The following ALPK1 variants were observed in gnomAD, a reference collection of about 807,000 sequenced individuals.
The protein encoded by ALPK1 is alpha-protein kinase 1.
In ALPK1, 110 loss-of-function variants were observed where a neutral mutation model predicts 120.6. The ratio of observed to expected loss-of-function variants is 0.91; its 90% CI spans 0.78 to 1.07. ALPK1 has a LOEUF of 1.07. Among genes scored for constraint, ALPK1 ranks in the 50% least tolerant of loss-of-function variants. The pLI, the probability that ALPK1 is intolerant of heterozygous loss-of-function variation, is 0.00. For synonymous variants in ALPK1, 582 were observed against 560.3 expected (o/e 1.04, Z -0.55); for missense variants, 1,498 against 1,483.9 (o/e 1.01, Z -0.16).
At chr4:112,434,200 T>C (rs1449580926) in intron 11 of ALPK1, among the ~76,000 whole-genome samples, 1 of 152,224 alleles carries the variant, frequency 6.6e-6, no homozygotes, top group African/African-American at 2.4e-5. Flanking sequence ...AGGCCCAAAA[T>C]GGCAGAAACA....
intron 4 of ALPK1, among the ~76,000 whole-genome samples, chr4:112,408,521 A>C (rs1049079793): frequency 6.6e-6 from 1 of 151,222 alleles, no homozygotes; most frequent in African/African-American, 2.4e-5. Context: ...CCCAGGCTAG[A>C]GTGCAGTGGC....
chr4:112,345,545 A>G (rs1046512947), intron 2 of ALPK1, among the ~76,000 whole-genome samples: 6 of 152,232 alleles, frequency 3.9e-5, no homozygotes, highest in Non-Finnish European at 8.8e-5. Context: ...TATCTAAACC[A>G]GGGAAGAGGA....
chr4:112,316,750 A>G (rs1230343450), intron 2 of ALPK1, among the ~76,000 whole-genome samples: 1 of 150,470 alleles, frequency 6.6e-6, no homozygotes, highest in African/African-American at 2.4e-5. Flanking sequence ...TTCTGTACTT[A>G]TTGGCCATTT....
At chr4:112,415,307 G>A (rs997097735) in intron 5 of ALPK1, among the ~76,000 whole-genome samples, 1 of 152,160 alleles carries the variant, frequency 6.6e-6, no homozygotes, top group African/African-American at 2.4e-5. Flanking sequence ...AATCTCACAG[G>A]AAAATATTCT....
intron 2 of ALPK1, among the ~76,000 whole-genome samples, chr4:112,338,746 A>G (rs915886238): frequency 3.3e-5 from 5 of 152,230 alleles, no homozygotes; most frequent in African/African-American, 1.2e-4. Context: ...AATAAATTTC[A>G]GCGTGAATAT....
chr4:112,360,944 A>G (rs1258926898), intron 2 of ALPK1, among the ~76,000 whole-genome samples: 1 of 152,186 alleles, frequency 6.6e-6, no homozygotes, highest in African/African-American at 2.4e-5. Flanking sequence ...ATGGATATTT[A>G]TTTGTTATTT....
Position 112,382,537 on chromosome 4 carries a change from G to A in ALPK1, c.261G>A (p.Gly87=). The A allele has an allele frequency of 6.8e-6, 11 of 1,614,124 alleles. No individual in the cohort carries two copies. Among genetic ancestry groups the A allele is most frequent in the Non-Finnish European group, 9.3e-6 (11 of 1,180,002 alleles). ...ACCTGAAGGATGTGATTGGCGCCGG[G>A]TTGCAGCAGTTACTGGTAGGAAGAG... is the stretch of plus-strand genomic sequence containing the variant. ...KTNLKDVIGA[G]LQQLLASLRA... Residue 87 remains glycine (G), a synonymous_variant, in exon 4 of 16, where the codon GGG becomes GGA. Coordinates refer to ENST00000650871, the MANE Select transcript of ALPK1 (RefSeq NM_025144.4).
intron 2 of ALPK1, among the ~76,000 whole-genome samples, chr4:112,332,365 A>C (rs2148701504): frequency 6.6e-6 from 1 of 152,324 alleles, no homozygotes. Flanking sequence ...GGGATATCTC[A>C]ATATACTCCA....
At chr4:112,382,190 G>T (rs1280697909) in intron 3 of ALPK1, among the ~76,000 whole-genome samples, 1 of 152,102 alleles carries the variant, frequency 6.6e-6, no homozygotes, top group African/African-American at 2.4e-5. Context: ...GGGCAAAGTC[G>T]GCCAGGGCCA....
intron 2 of ALPK1, among the ~76,000 whole-genome samples, chr4:112,338,310 C>G (rs987144389): frequency 4.6e-5 from 7 of 152,094 alleles, no homozygotes; most frequent in African/African-American, 9.7e-5. Flanking sequence ...GTTTTTTCCC[C>G]TAGGAAAACT....
rs1259502457 is a variant in ALPK1, at chr4:112,411,882, T to C, written c.332T>C (p.Val111Ala). 1.2e-6 allele frequency: 2 copies of C among 1,614,024 alleles called. No homozygotes were observed. Among genetic ancestry groups the C allele is most frequent in the East Asian group, 4.5e-5 (2 of 44,854 alleles). ...GACTGTGCGGCTGCGGCGGCTATTG[T>C]GTTCTTGGTGGACCGGTTCCTGTAT... ...ARDCAAAAAI[V>A]FLVDRFLYGL... Residue 111 changes from valine to alanine, a missense_variant, in exon 5 of 16, where the codon GTG (valine) becomes GCG (alanine). Val to Ala is a moderately conservative substitution (Grantham distance 64). Coordinates refer to ENST00000650871, the MANE Select transcript of ALPK1 (RefSeq NM_025144.4).
At chr4:112,353,563 T>C (rs1730460041) in intron 2 of ALPK1, among the ~76,000 whole-genome samples, 1 of 152,140 alleles carries the variant, frequency 6.6e-6, no homozygotes, top group Admixed American at 6.5e-5. Flanking sequence ...TTTACTTTTT[T>C]TTCAATCAAG....
intron 2 of ALPK1, among the ~76,000 whole-genome samples, chr4:112,366,642 T>A (rs1409618423): frequency 6.6e-6 from 1 of 152,166 alleles, no homozygotes; most frequent in Non-Finnish European, 1.5e-5. Flanking sequence ...TGTGTGTAGA[T>A]CCCTTAAAGA....
intron 1 of ALPK1, among the ~76,000 whole-genome samples, chr4:112,303,865 C>T (rs1368874757): frequency 6.6e-6 from 1 of 152,082 alleles, no homozygotes; most frequent in South Asian, 2.1e-4. Context: ...TCGTCATTTA[C>T]ATTAGGTATA....
At chr4:112,440,841 GTGTA>G in intron 14 of ALPK1, 72 bp from the exon 15 acceptor site, 1 of 1,527,038 alleles carries the variant, frequency 6.5e-7, no homozygotes, top group Non-Finnish European at 8.7e-7. Context: ...GTGTGTGTGT[GTGTA>G]TGTATTTTTG....
At chr4:112,371,314 G>T (rs552893981) in intron 2 of ALPK1, among the ~76,000 whole-genome samples, 2 of 152,230 alleles carry the variant, frequency 1.3e-5, no homozygotes, top group East Asian at 3.9e-4. Flanking sequence ...TGGTCCTCCT[G>T]CTACCAGTAG....
intron 5 of ALPK1, 92 bp from the exon 6 acceptor site, chr4:112,423,852 C>A: frequency 8.2e-7 from 1 of 1,217,620 alleles, no homozygotes; most frequent in Non-Finnish European, 1.2e-6. Flanking sequence ...ACAGTTCCTG[C>A]TGCAATATAT....
intron 2 of ALPK1, chr4:112,357,160 A>G: frequency 6.7e-7 from 1 of 1,500,640 alleles, no homozygotes; most frequent in Non-Finnish European, 9.2e-7. Flanking sequence ...TCACCAAGCC[A>G]GGGAGCTACA....
At chr4:112,320,432 T>A (rs746634086) in intron 2 of ALPK1, among the ~76,000 whole-genome samples, 1 of 152,230 alleles carries the variant, frequency 6.6e-6, no homozygotes, top group Non-Finnish European at 1.5e-5. Context: ...TATATGCTGT[T>A]GAATTCTGTT....
Sources: gnomAD v4.1 joint callset for allele counts (sites outside exome capture counted in the v4.1 genomes callset) on GRCh38, gnomAD v4.1.1 for gene constraint, MANE v1.5 for transcripts, NCBI Gene and HGNC (gene_info 2026-07-23, HGNC 2026-07-21) for gene names.